MRPS35: variants seen among roughly 807,000 people sequenced by gnomAD.
MRPS35 encodes mitochondrial ribosomal protein S35, also known as small ribosomal subunit protein mS35.
In MRPS35, 29 loss-of-function variants were observed where a neutral mutation model predicts 32.7. The observed-to-expected ratio is 0.89, with a 90% confidence interval of 0.66 to 1.21. The LOEUF is 1.21. Among genes scored for constraint, MRPS35 ranks in the 50% most tolerant of loss-of-function variants. MRPS35 has a pLI of 0.00. For synonymous variants in MRPS35, 148 were observed against 139.3 expected, an observed-to-expected ratio of 1.06 and a Z score of -0.44; for missense variants, 373 against 383.8, an observed-to-expected ratio of 0.97 and a Z score of 0.23.
chr12:27,732,091 G>A (rs2061924267), intron 5 of MRPS35, among the ~76,000 whole-genome samples: 1 of 152,140 alleles, frequency 6.6e-6, no homozygotes, highest in African/African-American at 2.4e-5. Context: ...ATATTTTTAA[G>A]AACATATTAA....
At chr12:27,744,746 G>A (rs376514656) in intron 7 of MRPS35, among the ~76,000 whole-genome samples, 2 of 152,268 alleles carry the variant, frequency 1.3e-5, no homozygotes, top group East Asian at 1.9e-4. Flanking sequence ...GCCAGTAATG[G>A]TAAAGTGTAA....
chr12:27,751,260 A>C (rs2062002160), intron 7 of MRPS35, among the ~76,000 whole-genome samples: 1 of 152,194 alleles, frequency 6.6e-6, no homozygotes, highest in Non-Finnish European at 1.5e-5. Flanking sequence ...TGTTTTCCTT[A>C]CTAATGACTT....
chr12:27,751,102 C>CAAAAAAAAAAAAAAAAAAAAAA (rs71438703), intron 7 of MRPS35, among the ~76,000 whole-genome samples: 1 of 38,136 alleles, frequency 2.6e-5, no homozygotes, highest in Non-Finnish European at 4.3e-5. Context: ...GACTCCATCT[C>CAAAAAAAAAAAAAAAAAAAAAA]AAAAAAAAAA....
At chr12:27,745,720 T>C (rs2347219) in intron 7 of MRPS35, among the ~76,000 whole-genome samples, 105,778 of 150,472 alleles carry the variant, frequency 0.7, 37,887 homozygotes, top group African/African-American at 0.84. Context: ...CCCTTCCCCC[T>C]GCCCCCCACA....
chr12:27,733,328 AAATGTT>A (rs1251668965), intron 5 of MRPS35, among the ~76,000 whole-genome samples: 4 of 152,262 alleles, frequency 2.6e-5, no homozygotes, highest in Admixed American at 6.5e-5. Flanking sequence ...TTGAACATTA[AAATGTT>A]AATGTTAATG....
intron 3 of MRPS35, among the ~76,000 whole-genome samples, chr12:27,718,165 C>T (rs2140754777): frequency 6.6e-6 from 1 of 152,278 alleles, no homozygotes; most frequent in Non-Finnish European, 1.5e-5. Context: ...TGGCTCACAC[C>T]CGTAATCCCA....
At chr12:27,733,625 CATA>C (rs2061931216) in intron 5 of MRPS35, among the ~76,000 whole-genome samples, 1 of 152,132 alleles carries the variant, frequency 6.6e-6, no homozygotes. Context: ...TATTCATAAT[CATA>C]ATAAAGGTAT....
At chr12:27,721,662 T>TA (rs558202946) in intron 4 of MRPS35, among the ~76,000 whole-genome samples, 186 of 151,056 alleles carry the variant, frequency 1.2e-3, no homozygotes, top group Middle Eastern at 6.9e-3. Flanking sequence ...TCTCAAACAA[T>TA]AAAAAAAAAT....
intron 5 of MRPS35, among the ~76,000 whole-genome samples, chr12:27,733,005 T>G (rs1280740843): frequency 3.3e-4 from 8 of 24,040 alleles, no homozygotes; most frequent in East Asian, 1.5e-3. Context: ...TATATATATA[T>G]ATATATATAT....
At chr12:27,712,179 G>T (rs2061829354) in intron 1 of MRPS35, among the ~76,000 whole-genome samples, 1 of 152,026 alleles carries the variant, frequency 6.6e-6, no homozygotes, top group African/African-American at 2.4e-5. Flanking sequence ...GGGGTATGGG[G>T]AACTATAAGT....
intron 5 of MRPS35, among the ~76,000 whole-genome samples, chr12:27,726,960 CTTTTTTTTT>C (rs140813983): frequency 8.1e-6 from 1 of 123,266 alleles, no homozygotes; most frequent in African/African-American, 3.1e-5. Context: ...TGATGATGTC[CTTTTTTTTT>C]TTTTTTTTTG....
chr12:27,742,652 A>G (rs2061968288), intron 7 of MRPS35, among the ~76,000 whole-genome samples: 1 of 152,222 alleles, frequency 6.6e-6, no homozygotes. Context: ...GGGCCAAGAA[A>G]GGAGGTGAGG....
At chr12:27,748,544 AT>A (rs1019785757) in intron 7 of MRPS35, among the ~76,000 whole-genome samples, 9 of 152,048 alleles carry the variant, frequency 5.9e-5, no homozygotes, top group African/African-American at 2.2e-4. Context: ...GAGTCGACAA[AT>A]TAATTGAATT....
chr12:27,754,284 A>G, intron 7 of MRPS35, among the ~76,000 whole-genome samples: 1 of 152,010 alleles, frequency 6.6e-6, no homozygotes, highest in East Asian at 1.9e-4. Flanking sequence ...TCCAGGATAT[A>G]TGAAGTCATT....
In MRPS35 at chr12:27,755,395, A is replaced by G; in HGVS notation, c.917A>G (p.Glu306Gly). 2 of 1,599,718 alleles carry G rather than the reference A, an allele frequency of 1.3e-6. No homozygotes were observed. The highest frequency in any genetic ancestry group is 1.7e-6 in the Non-Finnish European group (2 of 1,176,904). The change falls in exon 8 of 8, where the codon GAA (glutamate) becomes GGA (glycine). Residue 306 changes from glutamate (E) to glycine (G), a missense_variant. Physicochemically the swap from Glu to Gly is moderately conservative, Grantham distance 98. Transcript: ENST00000081029. ...VVSLKNEEEN[E>G]NSISQYKESV... is the part of the protein sequence containing the mutation. Reference sequence around the variant, plus strand: ...AGTCTTAAAAATGAGGAGGAAAATGAAAATTCCATTTCTCAGTACAAAGAA... The same window carrying G: ...AGTCTTAAAAATGAGGAGGAAAATGGAAATTCCATTTCTCAGTACAAAGAA...
chr12:27,719,900 A>G (rs1593464937), intron 4 of MRPS35, 32 bp downstream of exon 4: 3 of 1,427,286 alleles, frequency 2.1e-6, no homozygotes, highest in South Asian at 2.3e-5. Flanking sequence ...TGAATTTTAT[A>G]TTGACTTTGA....
intron 5 of MRPS35, among the ~76,000 whole-genome samples, chr12:27,726,368 A>AT (rs1182481268): frequency 2.6e-5 from 4 of 152,122 alleles, no homozygotes; most frequent in African/African-American, 9.7e-5. Flanking sequence ...TTTTATGAAT[A>AT]TACCACATTT....
chr12:27,744,917 A>T (rs1166431048), intron 7 of MRPS35, among the ~76,000 whole-genome samples: 2 of 152,142 alleles, frequency 1.3e-5, no homozygotes, highest in African/African-American at 4.8e-5. Context: ...TTAACATAAA[A>T]AGGACACGAA....
intron 5 of MRPS35, among the ~76,000 whole-genome samples, chr12:27,725,963 C>A (rs1203280370): frequency 1.3e-5 from 2 of 151,872 alleles, no homozygotes; most frequent in Non-Finnish European, 2.9e-5. Flanking sequence ...AGTGTGCCAC[C>A]ATGCCTGGCC....
Sources: allele counts gnomAD v4.1 joint callset (sites outside exome capture counted in the v4.1 genomes callset), GRCh38; gene constraint gnomAD v4.1.1; transcripts MANE v1.5; gene names NCBI Gene and HGNC (gene_info 2026-07-23, HGNC 2026-07-21).